The following PCLAF variants were observed in gnomAD, a reference collection of about 807,000 sequenced individuals.
The protein encoded by PCLAF is PCNA clamp associated factor.
PCLAF carries 12 observed loss-of-function variants against 15.1 expected under a neutral mutation model. That is an observed-to-expected ratio of 0.79 (90% confidence interval 0.51 to 1.29). The LOEUF is 1.29. PCLAF is among the 50% of genes most tolerant of loss of function. The pLI is 0.00. For synonymous variants in PCLAF, 33 were observed against 47.1 expected, an observed-to-expected ratio of 0.70 and a Z score of 1.22; for missense variants, 116 against 130.9, an observed-to-expected ratio of 0.89 and a Z score of 0.56.
At chr15:64,385,506 T>C (rs1344907618), upstream of PCLAF, among the ~76,000 whole-genome samples, 1 of 151,856 alleles carries the variant, frequency 6.6e-6, no homozygotes, top group Non-Finnish European at 1.5e-5. Context: ...ATGCCTGTAA[T>C]CCCAGCTACT....
At chr15:64,380,207 C>T (rs1425837967) in intron 2 of PCLAF, among the ~76,000 whole-genome samples, 1 of 151,752 alleles carries the variant, frequency 6.6e-6, no homozygotes, top group African/African-American at 2.4e-5. Context: ...ATAGTGAAAC[C>T]CCATCTCTAC....
At chr15:64,386,722 G>T (rs1899948601) in intron 1 of PCLAF, among the ~76,000 whole-genome samples, 1 of 152,106 alleles carries the variant, frequency 6.6e-6, no homozygotes, top group African/African-American at 2.4e-5. Flanking sequence ...TTACAGGCAT[G>T]AGACACTGCG....
chr15:64,370,966 C>CTT (rs11299642), intron 3 of PCLAF, among the ~76,000 whole-genome samples: 1 of 77,328 alleles, frequency 1.3e-5, no homozygotes, highest in Non-Finnish European at 2.5e-5. Context: ...ATTTCATGTT[C>CTT]TTTTTTTTTT....
At chr15:64,382,669 A>G (rs963481078), upstream of PCLAF, 1 of 160,606 alleles carries the variant, frequency 6.2e-6, no homozygotes, top group African/African-American at 2.4e-5. Context: ...TTCACTCTCT[A>G]AATACCATAC....
At chr15:64,381,285 A>C in intron 1 of PCLAF, 41 bp downstream of exon 1, 2 of 1,610,446 alleles carry the variant, frequency 1.2e-6, no homozygotes, top group Non-Finnish European at 1.7e-6. Context: ...GGCTGCCGGG[A>C]GGACCCCCCC....
rs759261855 is a variant in PCLAF at position 64,381,414 on chromosome 15, C to T, written c.-43G>A. ...GGAGAGGAGAGAACGAACTGACTTC[C>T]CAGCCGAGGGTGTTTCACTGGACAA... On this transcript the variant is annotated 5_prime_UTR_variant, in exon 1 of 4. Transcript: ENST00000300035. The T allele has an allele frequency of 1.1e-5, 17 of 1,613,992 alleles. No homozygotes were observed. Among genetic ancestry groups the T allele is most frequent in the Non-Finnish European group, 1.4e-5 (16 of 1,179,996 alleles).
In PCLAF at chr15:64,365,098, G is replaced by A. The variant is rs1898977648; in HGVS notation, c.*932C>T. On this transcript the variant is annotated 3_prime_UTR_variant, in exon 4 of 4. Coordinates refer to ENST00000300035, the MANE Select transcript of PCLAF (RefSeq NM_014736.6). ...GCTCACTGCAAGCTCCACTTCCCGG[G>A]TTCACGCCATTCTCCTGCCTCAGCC... 1 of 151,494 alleles carries A rather than the reference G, an allele frequency of 6.6e-6. No homozygotes were observed. Among genetic ancestry groups the A allele is most frequent in the African/African-American group, 2.4e-5 (1 of 41,180 alleles). 9.4% of individuals were successfully genotyped at this position (151,494 alleles called of 1,614,324 possible).
At chr15:64,370,723 T>G (rs758678935) in intron 3 of PCLAF, among the ~76,000 whole-genome samples, 2 of 151,912 alleles carry the variant, frequency 1.3e-5, no homozygotes, top group African/African-American at 2.4e-5. Flanking sequence ...GTAAAAGTTT[T>G]ACTTACCAGA....
At chr15:64,382,109 T>G (rs1899838495), upstream of PCLAF, among the ~76,000 whole-genome samples, 2 of 152,126 alleles carry the variant, frequency 1.3e-5, no homozygotes, top group Non-Finnish European at 2.9e-5. Flanking sequence ...CTGCCAAATC[T>G]GCCAGGAGCG....
chr15:64,377,488 A>AAAAAAT (rs1555407636), intron 2 of PCLAF, among the ~76,000 whole-genome samples: 2 of 29,320 alleles, frequency 6.8e-5, no homozygotes, highest in Non-Finnish European at 5.7e-5. Flanking sequence ...AAAAAAAAAA[A>AAAAAAT]ATATATATAT....
upstream of PCLAF, among the ~76,000 whole-genome samples, chr15:64,385,481 C>T (rs540593077): frequency 1.1e-4 from 17 of 151,860 alleles, no homozygotes; most frequent in African/African-American, 3.4e-4. Context: ...CAAAATTAGC[C>T]GCGCATGGTG....
At chr15:64,377,002 G>A in intron 2 of PCLAF, 97 bp from the exon 3 acceptor site, 1 of 908,640 alleles carries the variant, frequency 1.1e-6, no homozygotes, top group Non-Finnish European at 1.6e-6. Flanking sequence ...AATTCTCAAA[G>A]GTATTAAATA....
Position 64,365,317 on chromosome 15 carries a change from G to C in PCLAF, c.*713C>G, listed in dbSNP as rs1181188244. On this transcript the variant is annotated 3_prime_UTR_variant, in exon 4 of 4. Coordinates refer to ENST00000300035, the MANE Select transcript of PCLAF (RefSeq NM_014736.6). Reference sequence around the variant, plus strand: ...GCACCCGGCTAAAAATTGTTTTAGAGATAGGGTTTACGCTATGTTGCCTGG... The same window carrying C: ...GCACCCGGCTAAAAATTGTTTTAGACATAGGGTTTACGCTATGTTGCCTGG... 2.6e-5 allele frequency: 4 copies of C among 152,464 alleles called. No homozygotes were observed. The highest frequency in any genetic ancestry group is 7.2e-5 in the African/African-American group (3 of 41,440). The allele number at this position is 152,464 out of a possible 1,614,324, so 9.4% of individuals were successfully genotyped here. A position where few individuals can be genotyped will look rare whatever the true frequency, so the allele number is the denominator to read the frequency against.
intron 3 of PCLAF, chr15:64,373,752 G>A (rs1336424712): frequency 6.5e-7 from 1 of 1,535,840 alleles, no homozygotes. Flanking sequence ...GCTGGAGGAT[G>A]GGTGGCTCCT....
chr15:64,380,298 G>A (rs757106435), intron 2 of PCLAF, among the ~76,000 whole-genome samples: 9 of 152,042 alleles, frequency 5.9e-5, no homozygotes, highest in Non-Finnish European at 1.2e-4. Flanking sequence ...CAGGAGAATC[G>A]TGTGAACCCG....
At chr15:64,379,652 A>G (rs1324057600) in intron 2 of PCLAF, among the ~76,000 whole-genome samples, 1 of 152,176 alleles carries the variant, frequency 6.6e-6, no homozygotes, top group Non-Finnish European at 1.5e-5. Flanking sequence ...TTGACTTTAA[A>G]ACCCATGAAG....
At chr15:64,376,619 A>C (rs1451331385) in intron 3 of PCLAF, 124 bp downstream of exon 3, 3 of 666,324 alleles carry the variant, frequency 4.5e-6, no homozygotes, top group African/African-American at 3.6e-5. Context: ...GGGTTCCACC[A>C]TGTTGGACAG....
At chr15:64,382,097 A>T (rs1465144561), upstream of PCLAF, among the ~76,000 whole-genome samples, 1 of 152,184 alleles carries the variant, frequency 6.6e-6, no homozygotes, top group Non-Finnish European at 1.5e-5. Flanking sequence ...CTCCTAAATA[A>T]TCTGCCAAAT....
chr15:64,380,797 C>G (rs141775445), intron 2 of PCLAF, among the ~76,000 whole-genome samples, 161 bp downstream of exon 2: 4 of 152,202 alleles, frequency 2.6e-5, no homozygotes, highest in South Asian at 2.1e-4. Context: ...ACCTCCCCCC[C>G]ACCTCTACCC....
Sources: allele counts gnomAD v4.1 joint callset (sites outside exome capture counted in the v4.1 genomes callset), GRCh38; gene constraint gnomAD v4.1.1; transcripts MANE v1.5; gene names NCBI Gene and HGNC (gene_info 2026-07-23, HGNC 2026-07-21).